The following FARS2 variants were observed in gnomAD, a reference collection of about 807,000 sequenced individuals.
The protein encoded by FARS2 is phenylalanyl-tRNA synthetase 2, mitochondrial.
In FARS2, 40 loss-of-function variants were observed where a neutral mutation model predicts 46.4. The ratio of observed to expected loss-of-function variants is 0.86; its 90% confidence interval spans 0.67 to 1.12. The LOEUF is 1.12. Among genes scored for constraint, FARS2 ranks in the 50% most tolerant of loss-of-function variants. The probability of loss-of-function intolerance (pLI) is 0.00; values close to 1 mark genes in which losing one functional copy is unlikely to be tolerated. For missense variants in FARS2, 513 were observed against 567.9 expected (o/e 0.90, Z 0.98); for synonymous variants, 234 against 214.9 (o/e 1.09, Z -0.78).
At chr6:5,534,005 G>C (rs1249894246) in intron 4 of FARS2, among the ~76,000 whole-genome samples, 2 of 152,156 alleles carry the variant, frequency 1.3e-5, no homozygotes, top group Non-Finnish European at 2.9e-5. Flanking sequence ...TTTCTAAACT[G>C]AGCCAAATCA....
intron 3 of FARS2, among the ~76,000 whole-genome samples, chr6:5,421,014 C>T (rs1356736898): frequency 6.6e-6 from 1 of 152,142 alleles, no homozygotes; most frequent in African/African-American, 2.4e-5. Context: ...GGCTCCTACC[C>T]AAAATTTCCC....
intron 3 of FARS2, among the ~76,000 whole-genome samples, chr6:5,421,161 T>C (rs1762527234): frequency 6.6e-6 from 1 of 152,196 alleles, no homozygotes; most frequent in South Asian, 2.1e-4. Context: ...GACTTCTGTG[T>C]ACTCACAGGC....
chr6:5,250,044 A>T, the FARS2 span, among the ~76,000 whole-genome samples: 1 of 152,372 alleles, frequency 6.6e-6, no homozygotes, highest in East Asian at 1.9e-4. Flanking sequence ...CTACTGCAAC[A>T]AAGAATAATT....
intron 6 of FARS2, among the ~76,000 whole-genome samples, chr6:5,688,997 T>TTA (rs1050501868): frequency 5.3e-5 from 8 of 152,222 alleles, no homozygotes; most frequent in Admixed American, 5.2e-4. Context: ...ATAGAGGTGT[T>TTA]TATAGTATTC....
chr6:5,459,378 A>T (rs965632642), intron 4 of FARS2, among the ~76,000 whole-genome samples: 3 of 150,544 alleles, frequency 2.0e-5, no homozygotes, highest in African/African-American at 7.3e-5. Context: ...GCAATTTATG[A>T]TTTTTTTTTT....
chr6:5,562,423 T>C (rs1036406637), intron 5 of FARS2, among the ~76,000 whole-genome samples: 4 of 152,156 alleles, frequency 2.6e-5, no homozygotes, highest in African/African-American at 4.8e-5. Flanking sequence ...TGGCTTCCTA[T>C]AAAGCAGTAG....
At position 5,443,684 on chromosome 6, in the gene FARS2, C is replaced by T. The variant is rs1305959017; in HGVS notation, c.904+12512C>T. On this transcript the variant is annotated intron_variant, in intron 4 of 6. Transcript: ENST00000274680. ...AGTCTGGACCAGCTGAGCCCCAGCC[C>T]CGCAGACAGGTGGTGGTTGTTGCAT... Among the ~76,000 whole-genome samples, 5 of 152,338 alleles carry T rather than the reference C, an allele frequency of 3.3e-5. No homozygotes were observed. The East Asian group carries it at 9.7e-4, about 29-fold the overall frequency.
intron 4 of FARS2, among the ~76,000 whole-genome samples, chr6:5,517,530 T>C (rs1768880227): frequency 6.6e-6 from 1 of 151,790 alleles, no homozygotes; most frequent in African/African-American, 2.4e-5. Context: ...GAGAATCGCT[T>C]GAACCTGGGA....
intron 6 of FARS2, among the ~76,000 whole-genome samples, chr6:5,702,614 C>G (rs1438992765): frequency 6.6e-6 from 1 of 152,086 alleles, no homozygotes; most frequent in African/African-American, 2.4e-5. Context: ...TATAAGAGCT[C>G]CAGGCTAGAT....
intron 6 of FARS2, among the ~76,000 whole-genome samples, chr6:5,711,464 G>T (rs867097607): frequency 2.6e-5 from 4 of 152,280 alleles, no homozygotes; most frequent in Middle Eastern, 3.4e-3. Flanking sequence ...AGGAAAGAAA[G>T]TAACTTCACA....
chr6:5,549,481 C>T (rs1195541257), intron 5 of FARS2, among the ~76,000 whole-genome samples: 1 of 152,090 alleles, frequency 6.6e-6, no homozygotes, highest in African/African-American at 2.4e-5. Flanking sequence ...TTTTAAAGGC[C>T]ATCCTCAGTC....
At chr6:5,769,027 T>C (rs1168693119) in intron 6 of FARS2, among the ~76,000 whole-genome samples, 1 of 152,232 alleles carries the variant, frequency 6.6e-6, no homozygotes, top group Non-Finnish European at 1.5e-5. Context: ...CCTGTGCTTT[T>C]GGTGTCATCT....
At chr6:5,563,782 C>A (rs889670064) in intron 5 of FARS2, among the ~76,000 whole-genome samples, 9 of 152,050 alleles carry the variant, frequency 5.9e-5, no homozygotes, top group Non-Finnish European at 1.2e-4. Flanking sequence ...AATACCAATA[C>A]AAGATATATA....
chr6:5,598,527 A>G (rs762915182), intron 5 of FARS2, among the ~76,000 whole-genome samples: 2 of 152,242 alleles, frequency 1.3e-5, no homozygotes, highest in Non-Finnish European at 2.9e-5. Flanking sequence ...CAATCAATAA[A>G]TGTTTTCAGA....
intron 3 of FARS2, among the ~76,000 whole-genome samples, chr6:5,419,580 A>G (rs1762429277): frequency 6.6e-6 from 1 of 152,080 alleles, no homozygotes; most frequent in South Asian, 2.1e-4. Context: ...CCAATTCTCT[A>G]GGCTTGAAAT....
chr6:5,254,231 G>A, the FARS2 span, among the ~76,000 whole-genome samples: 8 of 152,268 alleles, frequency 5.3e-5, 1 homozygote, highest in East Asian at 5.8e-4. Flanking sequence ...CAAGTTGAAC[G>A]AATTGGCCTC....
chr6:5,488,325 A>G (rs1223879045), intron 4 of FARS2, among the ~76,000 whole-genome samples: 4 of 152,178 alleles, frequency 2.6e-5, no homozygotes, highest in African/African-American at 4.8e-5. Flanking sequence ...GAACTTTTTC[A>G]CTGGTTCTAT....
chr6:5,364,291 A>G (rs1174742668), intron 1 of FARS2, among the ~76,000 whole-genome samples: 3 of 152,182 alleles, frequency 2.0e-5, no homozygotes, highest in Non-Finnish European at 4.4e-5. Context: ...TTGAGGCCAG[A>G]AGGGTCAAAT....
chr6:5,569,653 C>G (rs959131706), intron 5 of FARS2, among the ~76,000 whole-genome samples: 2 of 152,020 alleles, frequency 1.3e-5, no homozygotes, highest in African/African-American at 4.8e-5. Flanking sequence ...TATGGCTGGC[C>G]CAAGTGACAA....
Sources: gnomAD v4.1 joint callset for allele counts (sites outside exome capture counted in the v4.1 genomes callset) on GRCh38, gnomAD v4.1.1 for gene constraint, MANE v1.5 for transcripts, NCBI Gene and HGNC (gene_info 2026-07-23, HGNC 2026-07-21) for gene names.